Variants in CD74 observed in about 807,000 individuals in gnomAD.
CD74 encodes the protein HLA class II histocompatibility antigen gamma chain.
A neutral mutation model predicts 37.1 loss-of-function variants in CD74; 20 were observed. The ratio of observed to expected loss-of-function variants is 0.54; its 90% CI spans 0.38 to 0.78. The LOEUF (loss-of-function observed/expected upper bound fraction) is 0.78, where lower values mean the gene tolerates loss of function less well. Ranked by LOEUF, CD74 falls within the 30% of genes least tolerant of loss-of-function variation. The probability of loss-of-function intolerance (pLI) is 0.00; values close to 1 mark genes in which losing one functional copy is unlikely to be tolerated. For synonymous variants in CD74, 150 were observed against 152.0 expected (o/e 0.99, Z 0.10); for missense variants, 338 against 389.5 (o/e 0.87, Z 1.11).
rs768591195 is a variant in CD74, at chr5:150,412,715, T to A, written c.35A>T (p.Asp12Val). 4 of 1,614,132 alleles carry A rather than the reference T, an allele frequency of 2.5e-6. No homozygotes were observed. The East Asian group carries it at 8.9e-5, about 36-fold the overall frequency. Residue 12 changes from aspartate (D) to valine (V), a missense_variant, in exon 1 of 9, where the codon GAT becomes GTT. Asp to Val is a radical substitution (Grantham distance 152, BLOSUM62 -3). Coordinates refer to ENST00000009530, the MANE Select transcript of CD74 (RefSeq NM_001025159.3). ...HRRRSRSCREDQKPVMDDQRD... is the reference protein window; with the variant it reads ...HRRRSRSCREVQKPVMDDQRD... ...CTGGTCATCCATGACTGGCTTCTGA[T>A]CTTCCCGACAGCTCCTGCTTCTCCT... is the stretch of plus-strand genomic sequence containing the variant.
In CD74 at chr5:150,407,792, C is replaced by T. The variant is rs1038781849; in HGVS notation, c.126-468G>A. 4.6e-5 allele frequency among the ~76,000 whole-genome samples: 7 copies of T among 152,216 alleles called. No individual in the cohort carries two copies. Among genetic ancestry groups the T allele is most frequent in the Admixed American group, 1.3e-4 (2 of 15,302 alleles). ...TTTTTGAGACGGAGTCTTGCTCTGTCGCCCAGGCTGGAGTGCAGTGGCGCG... is the reference window on the plus strand; with the variant it reads ...TTTTTGAGACGGAGTCTTGCTCTGTTGCCCAGGCTGGAGTGCAGTGGCGCG... On this transcript the variant is annotated intron_variant, in intron 1 of 8. Coordinates refer to ENST00000009530, the MANE Select transcript of CD74 (RefSeq NM_001025159.3). The surrounding 1 kb of genome is among the most constrained non-coding windows in gnomAD (Gnocchi z 4.4).
At chr5:150,408,067 T>A (rs1418391507) in intron 1 of CD74, among the ~76,000 whole-genome samples, 1 of 151,950 alleles carries the variant, frequency 6.6e-6, no homozygotes, top group African/African-American at 2.4e-5. Flanking sequence ...TTTTTTCTGC[T>A]GGCAGGATCA....
chr5:150,406,867 G>T lies in CD74; in HGVS notation c.378+14C>A. The stretch of plus-strand genomic sequence containing the variant: ...ATAACCTTGCCCCTCCCACCACCCT[G>T]GGGCTGTCCTTACCCCCTGGGGCAG... On this transcript the variant is annotated intron_variant, in intron 3 of 8. Transcript: ENST00000009530. 6.8e-7 allele frequency: 1 copy of T among 1,475,380 alleles called. No individual in the cohort carries two copies. Among genetic ancestry groups the T allele is most frequent in the East Asian group, 2.3e-5 (1 of 42,566 alleles). The allele number at this position is 1,475,380 out of a possible 1,614,324, so 91.4% of individuals were successfully genotyped here. A position where few individuals can be genotyped will look rare whatever the true frequency, so the allele number is the denominator to read the frequency against.
chr5:150,404,858 G>A (rs892035101), intron 5 of CD74, 91 bp from the exon 6 acceptor site: 13 of 924,874 alleles, frequency 1.4e-5, no homozygotes, highest in Non-Finnish European at 1.0e-5. Context: ...AAACATGCAG[G>A]GCCAAATAGG....
chr5:150,410,146 G>A (rs988198442), intron 1 of CD74, among the ~76,000 whole-genome samples: 1 of 152,126 alleles, frequency 6.6e-6, no homozygotes, highest in Non-Finnish European at 1.5e-5. Flanking sequence ...CAAGGAACAC[G>A]GGTGGCCTAG....
rs756342700 is a variant in CD74, at chr5:150,402,499, A to G, written c.880+64T>C. ...GCGTCACACTCCTTCACCTGCCCAC[A>G]AAGGAGCTGGCCCTGCTGGGGATGA... On this transcript the variant is annotated intron_variant, in intron 8 of 8. Transcript: ENST00000009530. The surrounding 1 kb of genome is among the most constrained non-coding windows in gnomAD (Gnocchi z 4.2). The G allele has an allele frequency of 1.2e-4, 169 of 1,391,204 alleles. No homozygotes were observed. Among genetic ancestry groups the G allele is most frequent in the Non-Finnish European group, 1.7e-4 (163 of 976,342 alleles). The allele number at this position is 1,391,204 out of a possible 1,614,324, so 86.2% of individuals were successfully genotyped here. A position where few individuals can be genotyped will look rare whatever the true frequency, so the allele number is the denominator to read the frequency against.
At position 150,412,709 on chromosome 5, in the gene CD74, T is replaced by G; in HGVS notation, c.41A>C (p.Lys14Thr). The G allele has an allele frequency of 6.2e-7, 1 of 1,614,140 alleles. No homozygotes were observed. The highest frequency in any genetic ancestry group is 8.5e-7 in the Non-Finnish European group (1 of 1,180,014). ...GTCGCGCTGGTCATCCATGACTGGC[T>G]TCTGATCTTCCCGACAGCTCCTGCT... Reference protein sequence around the residue: ...RRSRSCREDQKPVMDDQRDLI... With the variant: ...RRSRSCREDQTPVMDDQRDLI... Residue 14 changes from lysine (K) to threonine (T), a missense_variant, in exon 1 of 9, where the codon AAG (lysine) becomes ACG (threonine). Coordinates refer to ENST00000009530, the MANE Select transcript of CD74 (RefSeq NM_001025159.3).
chr5:150,406,858 C>T (rs763501745), intron 3 of CD74, 23 bp downstream of exon 3: 7 of 1,449,726 alleles, frequency 4.8e-6, no homozygotes, highest in Admixed American at 5.8e-5. Flanking sequence ...TTGCCCCTCC[C>T]ACCACCCTGG....
chr5:150,405,366 G>C, intron 4 of CD74, 186 bp from the exon 5 acceptor site: 1 of 1,295,516 alleles, frequency 7.7e-7, no homozygotes. Context: ...TAGTCCAGCT[G>C]TTCAGCTACG....
chr5:150,405,835 G>A (rs1581252397), intron 4 of CD74: 2 of 162,950 alleles, frequency 1.2e-5, no homozygotes, highest in East Asian at 1.6e-4. Context: ...GCAGTGGCGT[G>A]ATGATCTCGG....
In CD74 at chr5:150,403,314, T is replaced by G. The variant is rs139582990; in HGVS notation, c.626-2A>C. 16 of 1,613,814 alleles carry G rather than the reference T, an allele frequency of 9.9e-6. No individual in the cohort carries two copies. Among genetic ancestry groups the G allele is most frequent in the Non-Finnish European group, 1.4e-5 (16 of 1,179,698 alleles). ...CCTCTTCCTGGCACTTGGTCAGTAC[T>G]GAAGCGACAGGCATGATGAGGACAC... On this transcript the variant is annotated splice_acceptor_variant, in intron 6 of 8. Transcript: ENST00000009530. LOFTEE classifies it high-confidence loss of function. This position sits in a 1 kb window ranked among gnomAD's most constrained non-coding sequence, Gnocchi z 4.5.
In CD74 at chr5:150,402,023, G is replaced by A; in HGVS notation, c.*217C>T. 1 of 1,535,394 alleles carries A rather than the reference G, an allele frequency of 6.5e-7. No homozygotes were observed. The highest frequency in any genetic ancestry group is 8.7e-7 in the Non-Finnish European group (1 of 1,145,604). On this transcript the variant is annotated 3_prime_UTR_variant, in exon 9 of 9. Transcript: ENST00000009530. The surrounding 1 kb of genome is among the most constrained non-coding windows in gnomAD (Gnocchi z 4.2). ...CCACTTCCTGGGACCTCACGCCCCTGTTGACAGATGGAGATTGGGCAGCAG... is the reference window on the plus strand; with the variant it reads ...CCACTTCCTGGGACCTCACGCCCCTATTGACAGATGGAGATTGGGCAGCAG...
chr5:150,406,085 C>A, intron 4 of CD74, 174 bp downstream of exon 4: 1 of 577,946 alleles, frequency 1.7e-6, no homozygotes, highest in Non-Finnish European at 3.1e-6. Flanking sequence ...CTGTTTATCT[C>A]AAAAATGCAG....
In CD74 at chr5:150,403,412, G is replaced by A. The variant is rs2151170763; in HGVS notation, c.626-100C>T. 2 of 1,063,074 alleles carry A rather than the reference G, an allele frequency of 1.9e-6. No individual in the cohort carries two copies. Among genetic ancestry groups the A allele is most frequent in the Non-Finnish European group, 2.9e-6 (2 of 698,232 alleles). 65.9% of individuals were successfully genotyped at this position (1,063,074 alleles called of 1,614,324 possible). ...CACACACCACTGCTGTGGGCTTAAT[G>A]CCTTCTTCCCAAGTGGCTTTACTCA... is the stretch of plus-strand genomic sequence containing the variant. On this transcript the variant is annotated intron_variant, in intron 6 of 8. Coordinates refer to ENST00000009530, the MANE Select transcript of CD74 (RefSeq NM_001025159.3). This position sits in a 1 kb window ranked among gnomAD's most constrained non-coding sequence, Gnocchi z 4.5.
chr5:150,401,737 A>G lies in CD74; in HGVS notation c.*503T>C. The G allele has an allele frequency of 1.7e-6, 1 of 592,802 alleles. No individual in the cohort carries two copies. Among genetic ancestry groups the G allele is most frequent in the Non-Finnish European group, 3.0e-6 (1 of 332,624 alleles). 36.7% of individuals were successfully genotyped at this position (592,802 alleles called of 1,614,324 possible). A position where few individuals can be genotyped will look rare whatever the true frequency, so the allele number is the denominator to read the frequency against. ...GAACTAGGGGTCGGCAGAAAGGATT[A>G]TGGGTGGAAAACATTGGCTCTTCCT... On this transcript the variant is annotated 3_prime_UTR_variant, in exon 9 of 9. Transcript: ENST00000009530.
In CD74 at chr5:150,401,992, T is replaced by G. The variant is rs1379732242; in HGVS notation, c.*248A>C. The G allele has an allele frequency of 6.8e-7, 1 of 1,463,488 alleles. No individual in the cohort carries two copies. Among genetic ancestry groups the G allele is most frequent in the Middle Eastern group, 1.7e-4 (1 of 5,864 alleles). The allele number at this position is 1,463,488 out of a possible 1,614,324, so 90.7% of individuals were successfully genotyped here. On this transcript the variant is annotated 3_prime_UTR_variant, in exon 9 of 9. Coordinates refer to ENST00000009530, the MANE Select transcript of CD74 (RefSeq NM_001025159.3). Reference sequence around the variant, plus strand: ...TGTCAGGAACGGGGATCTGTCTAGCTTTTGGCCACTTCCTGGGACCTCACG... The same window carrying G: ...TGTCAGGAACGGGGATCTGTCTAGCGTTTGGCCACTTCCTGGGACCTCACG...
In CD74 at chr5:150,403,266, G is replaced by A. The variant is rs760514092; in HGVS notation, c.672C>T (p.His224=). 2.5e-6 allele frequency: 4 copies of A among 1,614,022 alleles called. No homozygotes were observed. The South Asian group carries it at 3.3e-5, about 13-fold the overall frequency. Residue 224 remains histidine (H), a synonymous_variant, in exon 7 of 9, where the codon CAC becomes CAT. Coordinates refer to ENST00000009530, the MANE Select transcript of CD74 (RefSeq NM_001025159.3). The surrounding 1 kb of genome is among the most constrained non-coding windows in gnomAD (Gnocchi z 4.5). ...CGCACTTGGGCCTGAATGAACCCGG[G>A]TGGACAGCAGGGATGTGGCTGACCT... The part of the protein sequence containing the change: ...QEEVSHIPAV[H]PGSFRPKCDE...
intron 1 of CD74, among the ~76,000 whole-genome samples, chr5:150,411,172 C>T (rs2151185636): frequency 1.3e-5 from 2 of 152,236 alleles, no homozygotes; most frequent in South Asian, 4.2e-4. Context: ...TTGAGTTTAG[C>T]CTTTACGTAT....
chr5:150,404,616 G>T (rs2151176607), intron 6 of CD74, 64 bp downstream of exon 6: 1 of 1,008,874 alleles, frequency 9.9e-7, no homozygotes, highest in Non-Finnish European at 1.5e-6. Context: ...CCCGGCCTCA[G>T]CAGCTTCAGG....
Sources: gnomAD v4.1 joint callset for allele counts (sites outside exome capture counted in the v4.1 genomes callset) on GRCh38, gnomAD v4.1.1 for gene constraint, Gnocchi (gnomAD v3.1) non-coding constraint, MANE v1.5 for transcripts, NCBI Gene and HGNC (gene_info 2026-07-23, HGNC 2026-07-21) for gene names.